Variants in AP2B1 observed in about 807,000 individuals in gnomAD.
AP2B1 encodes AP-2 complex subunit beta.
In AP2B1, 23 loss-of-function variants were observed where a neutral mutation model predicts 102.0. The ratio of observed to expected loss-of-function variants is 0.23; its 90% CI spans 0.16 to 0.32. The LOEUF (loss-of-function observed/expected upper bound fraction) is 0.32, where lower values mean the gene tolerates loss of function less well. Ranked by LOEUF, AP2B1 falls within the 10% of genes least tolerant of loss-of-function variation. The pLI is 1.00. For missense variants in AP2B1, 541 were observed against 1,157.4 expected (o/e 0.47, Z 7.73); for synonymous variants, 381 against 421.2 (o/e 0.90, Z 1.17).
At chr17:35,670,618 G>A (rs1598237142) in intron 14 of AP2B1, among the ~76,000 whole-genome samples, 1 of 152,110 alleles carries the variant, frequency 6.6e-6, no homozygotes, top group Non-Finnish European at 1.5e-5. Context: ...TCCCTGAGAT[G>A]TCCCAGCTCC....
intron 19 of AP2B1, 43 bp downstream of exon 19, chr17:35,709,351 TTCCTGTGCATG>T (rs1555586382): frequency 6.6e-7 from 1 of 1,522,016 alleles, no homozygotes. Context: ...ACCTTTGCCC[TTCCTGTGCATG>T]TCAGGCAGAG....
intron 20 of AP2B1, among the ~76,000 whole-genome samples, chr17:35,712,351 G>C (rs1043377047): frequency 2.6e-5 from 4 of 152,158 alleles, no homozygotes; most frequent in Admixed American, 6.5e-5. Context: ...GTTTTGGGCC[G>C]GGCACAGTGG....
intron 5 of AP2B1, among the ~76,000 whole-genome samples, chr17:35,616,385 G>A (rs1342451586): frequency 1.3e-5 from 2 of 151,678 alleles, no homozygotes; most frequent in Non-Finnish European, 2.9e-5. Context: ...AGTCAGGATG[G>A]TCTCAATCTC....
At position 35,608,195 on chromosome 17, in the gene AP2B1, G is replaced by A. The variant is rs780960493; in HGVS notation, c.333G>A (p.Gly111=). 5 of 1,614,010 alleles carry A rather than the reference G, an allele frequency of 3.1e-6. No individual in the cohort carries two copies. Among genetic ancestry groups the A allele is most frequent in the Admixed American group, 1.7e-5 (1 of 60,020 alleles). The part of the protein sequence containing the change: ...LIRALAVRTM[G]CIRVDKITEY... ...GAGCCTTGGCAGTCAGAACCATGGG[G>A]TGCATCCGGGTAGACAAAATTACAG... The change falls in exon 5 of 22, where the codon GGG becomes GGA. Residue 111 remains glycine, a synonymous_variant. Coordinates refer to ENST00000610402, the MANE Select transcript of AP2B1 (RefSeq NM_001030006.2).
At chr17:35,598,091 G>T in intron 2 of AP2B1, 139 bp from the exon 3 acceptor site, 1 of 398,928 alleles carries the variant, frequency 2.5e-6, no homozygotes, top group Non-Finnish European at 4.5e-6. Flanking sequence ...CTAGGGCTTT[G>T]AATTTTATAT....
intron 21 of AP2B1, among the ~76,000 whole-genome samples, chr17:35,718,922 T>C (rs1315104682): frequency 6.6e-6 from 1 of 152,196 alleles, no homozygotes; most frequent in African/African-American, 2.4e-5. Context: ...CAAGATCATG[T>C]AATTTGTTGG....
Position 35,699,537 on chromosome 17 carries a change from G to C in AP2B1, c.2455-9687G>C, listed in dbSNP as rs1011988306. Among the ~76,000 whole-genome samples the C allele has an allele frequency of 2.6e-5, 4 of 152,196 alleles. No individual in the cohort carries two copies. The South Asian group carries it at 8.3e-4, about 31-fold the overall frequency. ...TGGACTGAGAAAGAATATGGGAAGA[G>C]AGTTCTTGTTTGAATCCTAGCCTTG... On this transcript the variant is annotated intron_variant, in intron 18 of 21. Coordinates refer to ENST00000610402, the MANE Select transcript of AP2B1 (RefSeq NM_001030006.2).
intron 3 of AP2B1, among the ~76,000 whole-genome samples, chr17:35,602,608 T>C (rs2073526642): frequency 6.6e-6 from 1 of 152,258 alleles, no homozygotes; most frequent in Non-Finnish European, 1.5e-5. Flanking sequence ...CCTTTCAGTA[T>C]GTAATCAACA....
intron 5 of AP2B1, among the ~76,000 whole-genome samples, chr17:35,609,450 C>T (rs1187258595): frequency 6.6e-6 from 1 of 151,870 alleles, no homozygotes; most frequent in Non-Finnish European, 1.5e-5. Flanking sequence ...AGGTTCATGC[C>T]ATTGTCCTGC....
chr17:35,700,966 A>T (rs2076228602), intron 18 of AP2B1, among the ~76,000 whole-genome samples: 1 of 152,254 alleles, frequency 6.6e-6, no homozygotes, highest in Non-Finnish European at 1.5e-5. Flanking sequence ...TGCACATGAC[A>T]TACCAAAGAA....
chr17:35,650,948 T>A, intron 13 of AP2B1, 159 bp downstream of exon 13: 1 of 750,710 alleles, frequency 1.3e-6, no homozygotes. Context: ...TTTGGACACC[T>A]ACTACTATAC....
intron 12 of AP2B1, among the ~76,000 whole-genome samples, chr17:35,644,773 C>T (rs1020027656): frequency 1.3e-5 from 2 of 152,092 alleles, no homozygotes; most frequent in Non-Finnish European, 2.9e-5. Flanking sequence ...GTGGCTCACA[C>T]CTGCAATTCC....
At chr17:35,673,467 G>A (rs557028088) in intron 16 of AP2B1, among the ~76,000 whole-genome samples, 12 of 152,202 alleles carry the variant, frequency 7.9e-5, no homozygotes, top group African/African-American at 2.2e-4. Context: ...GATTGCAGGC[G>A]TGAGCCACCA....
chr17:35,640,624 G>A (rs74470961), intron 11 of AP2B1, among the ~76,000 whole-genome samples: 4,930 of 152,214 alleles, frequency 0.032, 98 homozygotes, highest in Middle Eastern at 0.054. Context: ...CACCTGGGGG[G>A]CATTTTTAAA....
In AP2B1 at chr17:35,623,097, A is replaced by T. The variant is rs867578433; in HGVS notation, c.526-1300A>T. Among the ~76,000 whole-genome samples the T allele has an allele frequency of 4.3e-3, 623 of 146,468 alleles. 2 individuals carry two copies. The highest frequency in any genetic ancestry group is 0.015 in the African/African-American group (583 of 39,934). ...CAATATATAGTATTTGTATGTATGC[A>T]TTTTTTTTTTTTTTTAGTATTTTTG... is the stretch of plus-strand genomic sequence containing the variant. On this transcript the variant is annotated intron_variant, in intron 5 of 21. Coordinates refer to ENST00000610402, the MANE Select transcript of AP2B1 (RefSeq NM_001030006.2).
intron 17 of AP2B1, among the ~76,000 whole-genome samples, chr17:35,674,603 G>C (rs1263416023): frequency 6.6e-6 from 1 of 152,202 alleles, no homozygotes; most frequent in Non-Finnish European, 1.5e-5. Context: ...TACTCAGGAG[G>C]CTGAAGCAGG....
intron 18 of AP2B1, among the ~76,000 whole-genome samples, chr17:35,691,692 T>C (rs753290436): frequency 5.9e-5 from 9 of 152,228 alleles, no homozygotes; most frequent in Non-Finnish European, 1.2e-4. Flanking sequence ...CAGCGTTGGA[T>C]CTACTATCCA....
intron 14 of AP2B1, among the ~76,000 whole-genome samples, chr17:35,667,722 G>A (rs567874167): frequency 6.6e-6 from 1 of 152,052 alleles, no homozygotes; most frequent in Non-Finnish European, 1.5e-5. Flanking sequence ...CCTTTCCAAT[G>A]TGTTTTTCTT....
chr17:35,700,768 T>C (rs1040381440), intron 18 of AP2B1, among the ~76,000 whole-genome samples: 2 of 152,242 alleles, frequency 1.3e-5, no homozygotes, highest in African/African-American at 4.8e-5. Context: ...AAGAAACTAA[T>C]TGCTGGTTAC....
Sources: allele counts gnomAD v4.1 joint callset (sites outside exome capture counted in the v4.1 genomes callset), GRCh38; gene constraint gnomAD v4.1.1; transcripts MANE v1.5; gene names NCBI Gene and HGNC (gene_info 2026-07-23, HGNC 2026-07-21).